AKAP6: variants seen among roughly 807,000 people sequenced by gnomAD.
AKAP6 encodes A-kinase anchor protein 6.
A neutral mutation model predicts 188.5 loss-of-function variants in AKAP6; 58 were observed. The ratio of observed to expected loss-of-function variants is 0.31; its 90% CI spans 0.25 to 0.38. AKAP6 has a LOEUF of 0.38. AKAP6 is among the 10% of genes least tolerant of loss of function. The probability of loss-of-function intolerance (pLI) is 1.00; values close to 1 mark genes in which losing one functional copy is unlikely to be tolerated. For synonymous variants in AKAP6, 989 were observed against 998.6 expected (o/e 0.99, Z 0.18); for missense variants, 2,710 against 2,740.0 (o/e 0.99, Z 0.24).
At chr14:32,366,061 A>G (rs1887822703) in intron 1 of AKAP6, among the ~76,000 whole-genome samples, 2 of 152,148 alleles carry the variant, frequency 1.3e-5, no homozygotes, top group Non-Finnish European at 1.5e-5. Context: ...ACTAAAAGAA[A>G]CAAACATATA....
intron 4 of AKAP6, among the ~76,000 whole-genome samples, chr14:32,572,392 G>A (rs988762474): frequency 4.6e-5 from 7 of 152,092 alleles, no homozygotes; most frequent in Non-Finnish European, 5.9e-5. Flanking sequence ...ATCACCCTTC[G>A]ACTTTCAGTT....
chr14:32,814,668 GAGAC>G (rs1444011066), intron 12 of AKAP6, among the ~76,000 whole-genome samples: 20 of 152,192 alleles, frequency 1.3e-4, no homozygotes. Context: ...AACAGTTCTT[GAGAC>G]AACAGGCAAG....
chr14:32,440,544 A>G (rs1393997623), intron 2 of AKAP6, among the ~76,000 whole-genome samples: 1 of 152,166 alleles, frequency 6.6e-6, no homozygotes, highest in African/African-American at 2.4e-5. Flanking sequence ...ATTTTTTTGA[A>G]TCAACGCCAT....
intron 13 of AKAP6, among the ~76,000 whole-genome samples, chr14:32,829,491 A>G (rs950840618): frequency 1.3e-5 from 2 of 150,656 alleles, no homozygotes; most frequent in African/African-American, 4.8e-5. Flanking sequence ...GTGGCCTCAC[A>G]TTTTCATATT....
chr14:32,799,932 G>A (rs2033885796), intron 12 of AKAP6, among the ~76,000 whole-genome samples: 1 of 151,632 alleles, frequency 6.6e-6, no homozygotes, highest in Non-Finnish European at 1.5e-5. Flanking sequence ...ACAATAGGCT[G>A]AGTGTGGTGG....
chr14:32,350,912 A>G (rs545555712), intron 1 of AKAP6, among the ~76,000 whole-genome samples: 9 of 152,230 alleles, frequency 5.9e-5, no homozygotes, highest in African/African-American at 2.2e-4. Context: ...GCACAGGTAA[A>G]TAGCTTAACA....
At chr14:32,782,381 A>C (rs12887457) in intron 12 of AKAP6, among the ~76,000 whole-genome samples, 68,944 of 152,004 alleles carry the variant, frequency 0.45, 16,942 homozygotes, top group Non-Finnish European at 0.54. Flanking sequence ...ATTTCTATTC[A>C]AAATTGTATT....
chr14:32,469,499 T>C (rs540975292), intron 2 of AKAP6, among the ~76,000 whole-genome samples: 1 of 152,170 alleles, frequency 6.6e-6, no homozygotes, highest in Admixed American at 6.5e-5. Flanking sequence ...AAGACAGTTT[T>C]GATCTTGATC....
chr14:32,731,268 G>C (rs879674533), intron 9 of AKAP6, among the ~76,000 whole-genome samples: 1 of 152,092 alleles, frequency 6.6e-6, no homozygotes, highest in Non-Finnish European at 1.5e-5. Flanking sequence ...TCTATTAACC[G>C]AAACAGTGAT....
intron 1 of AKAP6, among the ~76,000 whole-genome samples, chr14:32,353,217 TCTTTACCTC>T (rs1387126626): frequency 6.6e-6 from 1 of 152,192 alleles, no homozygotes. Context: ...GGTACACCCT[TCTTTACCTC>T]CTTTCTCTGG....
intron 1 of AKAP6, among the ~76,000 whole-genome samples, chr14:32,348,278 A>C (rs1203854704): frequency 1.3e-5 from 2 of 152,350 alleles, no homozygotes; most frequent in East Asian, 3.9e-4. Context: ...AAGAATAACC[A>C]GTGTAAAATT....
chr14:32,672,195 G>A (rs1380634213), intron 7 of AKAP6, among the ~76,000 whole-genome samples: 5 of 152,122 alleles, frequency 3.3e-5, no homozygotes, highest in African/African-American at 1.2e-4. Flanking sequence ...TTTGTAGTCT[G>A]AATTTGAAAA....
intron 7 of AKAP6, among the ~76,000 whole-genome samples, chr14:32,653,674 T>A (rs927663076): frequency 2.0e-5 from 3 of 152,172 alleles, no homozygotes; most frequent in Admixed American, 1.3e-4. Flanking sequence ...GTACAGTTTG[T>A]CATCAATTTT....
At chr14:32,797,903 T>A (rs1594955900) in intron 12 of AKAP6, among the ~76,000 whole-genome samples, 1 of 133,238 alleles carries the variant, frequency 7.5e-6, no homozygotes, top group Non-Finnish European at 1.6e-5. Flanking sequence ...GGAACCTAAT[T>A]AAATTAAAAT....
At chr14:32,656,190 A>G (rs1188931925) in intron 7 of AKAP6, among the ~76,000 whole-genome samples, 2 of 152,140 alleles carry the variant, frequency 1.3e-5, no homozygotes, top group African/African-American at 4.8e-5. Flanking sequence ...GTGTATGACT[A>G]TAAAGATATA....
rs73264832 is a variant in AKAP6 at position 32,661,203 on chromosome 14, C to T, written c.2731-17108C>T. ...GCTCAACATGTGCTGCAACTCCAGC[C>T]CTAAATTTCTAAATTACTACAGGAC... On this transcript the variant is annotated intron_variant, in intron 7 of 13. Transcript: ENST00000280979. Among the ~76,000 whole-genome samples, 706 of 151,966 alleles carry T rather than the reference C, an allele frequency of 4.6e-3. 3 individuals carry two copies. The highest frequency in any genetic ancestry group is 0.016 in the African/African-American group (675 of 41,462).
intron 13 of AKAP6, among the ~76,000 whole-genome samples, chr14:32,828,520 C>G (rs1275049236): frequency 6.6e-5 from 2 of 30,498 alleles, no homozygotes; most frequent in Admixed American, 7.1e-4. Context: ...CTCTCTCTCT[C>G]TCTCTCTCTC....
At chr14:32,708,778 C>G (rs939652130) in intron 9 of AKAP6, among the ~76,000 whole-genome samples, 1 of 151,964 alleles carries the variant, frequency 6.6e-6, no homozygotes, top group Non-Finnish European at 1.5e-5. Context: ...ACCTTGACAT[C>G]CTTTTGGGTT....
intron 9 of AKAP6, among the ~76,000 whole-genome samples, chr14:32,715,095 A>G (rs184712121): frequency 6.6e-6 from 1 of 152,064 alleles, no homozygotes; most frequent in Non-Finnish European, 1.5e-5. Flanking sequence ...AAATGATTAC[A>G]AATTTTTCTA....
Sources: gnomAD v4.1 joint callset for allele counts (sites outside exome capture counted in the v4.1 genomes callset) on GRCh38, gnomAD v4.1.1 for gene constraint, MANE v1.5 for transcripts, NCBI Gene and HGNC (gene_info 2026-07-23, HGNC 2026-07-21) for gene names.